Variants in HS6ST3 observed in about 807,000 individuals in gnomAD.
HS6ST3 encodes the protein heparan sulfate 6-O-sulfotransferase 3.
In HS6ST3, 12 loss-of-function variants were observed where a neutral mutation model predicts 36.7. That is an observed-to-expected ratio of 0.33 (90% CI 0.21 to 0.53). HS6ST3 has a LOEUF of 0.53. Among genes scored for constraint, HS6ST3 ranks in the 20% least tolerant of loss-of-function variants. The probability of loss-of-function intolerance (pLI) is 0.95; values close to 1 mark genes in which losing one functional copy is unlikely to be tolerated. For missense variants in HS6ST3, 584 were observed against 640.9 expected (o/e 0.91, Z 0.96); for synonymous variants, 240 against 257.5 (o/e 0.93, Z 0.65).
At chr13:96,392,630 A>G (rs765137908) in intron 1 of HS6ST3, among the ~76,000 whole-genome samples, 16 of 152,340 alleles carry the variant, frequency 1.1e-4, no homozygotes, top group Non-Finnish European at 1.9e-4. Flanking sequence ...AGAGCTTTGA[A>G]TATACCAAAT....
At chr13:96,159,441 A>G (rs2054126164) in intron 1 of HS6ST3, among the ~76,000 whole-genome samples, 1 of 152,314 alleles carries the variant, frequency 6.6e-6, no homozygotes, top group Non-Finnish European at 1.5e-5. Context: ...ATCATTACCC[A>G]TAGCTGTCAC....
intron 1 of HS6ST3, among the ~76,000 whole-genome samples, chr13:96,668,620 G>A (rs756632132): frequency 1.4e-5 from 2 of 145,062 alleles, no homozygotes; most frequent in Non-Finnish European, 3.0e-5. Flanking sequence ...CATATTCACT[G>A]CTGTGTCACC....
chr13:96,645,789 T>C (rs1356412802), intron 1 of HS6ST3, among the ~76,000 whole-genome samples: 1 of 151,904 alleles, frequency 6.6e-6, no homozygotes, highest in Admixed American at 6.6e-5. Context: ...GAACTCTGTT[T>C]ATCAGCTTAA....
chr13:96,209,435 AT>A, intron 1 of HS6ST3, among the ~76,000 whole-genome samples: 1 of 152,132 alleles, frequency 6.6e-6, no homozygotes. Context: ...GAGAAAAAAA[AT>A]CTTCGTTATT....
chr13:96,488,342 C>T (rs73556390), intron 1 of HS6ST3, among the ~76,000 whole-genome samples: 2,433 of 152,104 alleles, frequency 0.016, 83 homozygotes, highest in African/African-American at 0.054. Context: ...ACTTGGAAAC[C>T]GGTACCTCTT....
intron 1 of HS6ST3, among the ~76,000 whole-genome samples, chr13:96,132,437 C>G (rs2053980820): frequency 6.6e-6 from 1 of 151,122 alleles, no homozygotes; most frequent in Non-Finnish European, 1.5e-5. Flanking sequence ...CAGGGTCTTG[C>G]TCTGTCACCC....
intron 1 of HS6ST3, among the ~76,000 whole-genome samples, chr13:96,704,791 G>A (rs548992405): frequency 9.2e-5 from 14 of 152,194 alleles, no homozygotes; most frequent in South Asian, 2.1e-4. Flanking sequence ...ATGTCTGAGC[G>A]CACAACTATA....
chr13:96,521,157 G>A (rs2056091781), intron 1 of HS6ST3, among the ~76,000 whole-genome samples: 1 of 152,166 alleles, frequency 6.6e-6, no homozygotes, highest in South Asian at 2.1e-4. Context: ...TATGTTTATT[G>A]ATTTGCATAT....
chr13:96,494,231 A>G (rs1355053203), intron 1 of HS6ST3, among the ~76,000 whole-genome samples: 1 of 152,126 alleles, frequency 6.6e-6, no homozygotes, highest in Non-Finnish European at 1.5e-5. Context: ...TGATGAGTTC[A>G]TATCCTTTGT....
chr13:96,208,840 G>A (rs2139356212), intron 1 of HS6ST3, among the ~76,000 whole-genome samples: 1 of 152,214 alleles, frequency 6.6e-6, no homozygotes, highest in Admixed American at 6.5e-5. Flanking sequence ...ATTTATTTTG[G>A]GAATAGTTGT....
intron 1 of HS6ST3, among the ~76,000 whole-genome samples, chr13:96,298,437 C>T (rs2054865950): frequency 6.6e-6 from 1 of 152,152 alleles, no homozygotes; most frequent in Non-Finnish European, 1.5e-5. Context: ...AGCCTTCCTG[C>T]TGAAATAAAT....
chr13:96,331,576 C>T (rs1169673481), intron 1 of HS6ST3, among the ~76,000 whole-genome samples: 1 of 151,950 alleles, frequency 6.6e-6, no homozygotes, highest in Non-Finnish European at 1.5e-5. Flanking sequence ...AACCACTGCT[C>T]TCTTCAAAGC....
At chr13:96,228,601 C>A (rs1170751120) in intron 1 of HS6ST3, among the ~76,000 whole-genome samples, 1 of 152,142 alleles carries the variant, frequency 6.6e-6, no homozygotes, top group Non-Finnish European at 1.5e-5. Flanking sequence ...ATGCAACCAT[C>A]TAGAAATATA....
At chr13:96,428,717 C>T (rs1432013680) in intron 1 of HS6ST3, among the ~76,000 whole-genome samples, 1 of 152,124 alleles carries the variant, frequency 6.6e-6, no homozygotes, top group Non-Finnish European at 1.5e-5. Context: ...ATTCCAGGTG[C>T]TTATCAAGTA....
At position 96,736,635 on chromosome 13, in the gene HS6ST3, T is replaced by A. The variant is rs536131954; in HGVS notation, c.708-95855T>A. ...GTGTGTGTATATGGATACAGATAGA[T>A]ATAGATATATCAGACTCTTTACCCC... On this transcript the variant is annotated intron_variant, in intron 1 of 1. Transcript: ENST00000376705. 3.3e-5 allele frequency among the ~76,000 whole-genome samples: 5 copies of A among 152,304 alleles called. No individual in the cohort carries two copies. In the South Asian group the frequency reaches 1.0e-3, roughly 32 times the overall value.
chr13:96,709,830 G>A (rs562738045), intron 1 of HS6ST3, among the ~76,000 whole-genome samples: 2 of 152,252 alleles, frequency 1.3e-5, no homozygotes, highest in South Asian at 4.1e-4. Flanking sequence ...GATTGCTCAA[G>A]GTCAAGCATT....
chr13:96,319,318 T>C (rs2054992155), intron 1 of HS6ST3, among the ~76,000 whole-genome samples: 1 of 152,238 alleles, frequency 6.6e-6, no homozygotes, highest in Non-Finnish European at 1.5e-5. Context: ...ATGCTCTAGC[T>C]TATAACGGCA....
intron 1 of HS6ST3, among the ~76,000 whole-genome samples, chr13:96,810,005 G>C (rs2138534280): frequency 6.6e-6 from 1 of 152,262 alleles, no homozygotes; most frequent in East Asian, 1.9e-4. Context: ...CCAGGGTACA[G>C]GACTAAGGAA....
intron 1 of HS6ST3, among the ~76,000 whole-genome samples, chr13:96,368,427 C>T (rs752659781): frequency 2.6e-5 from 4 of 151,104 alleles, no homozygotes; most frequent in African/African-American, 7.3e-5. Flanking sequence ...CTGGTAGACT[C>T]GTTCGATGAA....
Sources: allele counts gnomAD v4.1 joint callset (sites outside exome capture counted in the v4.1 genomes callset), GRCh38; gene constraint gnomAD v4.1.1; transcripts MANE v1.5; gene names NCBI Gene and HGNC (gene_info 2026-07-23, HGNC 2026-07-21).